The following MACROD2 variants were observed in gnomAD, a reference collection of about 807,000 sequenced individuals.
The protein encoded by MACROD2 is ADP-ribose glycohydrolase MACROD2.
A neutral mutation model predicts 70.4 loss-of-function variants in MACROD2; 36 were observed. The observed-to-expected ratio is 0.51, with a 90% CI of 0.39 to 0.68. The LOEUF (loss-of-function observed/expected upper bound fraction) is 0.68. MACROD2 is among the 30% of genes least tolerant of loss of function. MACROD2 has a pLI of 0.00. For synonymous variants in MACROD2, 172 were observed against 178.8 expected (o/e 0.96, Z 0.30); for missense variants, 496 against 538.4 (o/e 0.92, Z 0.78).
chr20:15,111,737 T>A (rs2075957049), intron 5 of MACROD2, among the ~76,000 whole-genome samples: 1 of 152,182 alleles, frequency 6.6e-6, no homozygotes, highest in Admixed American at 6.5e-5. Flanking sequence ...TAGCTTTTGT[T>A]TTAGAGAGGA....
At chr20:14,848,347 G>A (rs1486541088) in intron 5 of MACROD2, among the ~76,000 whole-genome samples, 1 of 152,160 alleles carries the variant, frequency 6.6e-6, no homozygotes, top group African/African-American at 2.4e-5. Flanking sequence ...TAGTTATCCT[G>A]TAGGAATAGC....
chr20:15,394,354 A>G (rs905332031), intron 6 of MACROD2, among the ~76,000 whole-genome samples: 17 of 152,232 alleles, frequency 1.1e-4, no homozygotes, highest in African/African-American at 3.9e-4. Flanking sequence ...CTTGTAAGAT[A>G]GCATCTTTCT....
intron 2 of MACROD2, among the ~76,000 whole-genome samples, chr20:14,027,603 G>A (rs1029976100): frequency 1.3e-5 from 2 of 151,776 alleles, no homozygotes; most frequent in Non-Finnish European, 2.9e-5. Flanking sequence ...TGATGTGGAC[G>A]TCCTTTTTGT....
At chr20:15,179,162 G>C (rs1783155935) in intron 5 of MACROD2, among the ~76,000 whole-genome samples, 1 of 152,136 alleles carries the variant, frequency 6.6e-6, no homozygotes, top group Non-Finnish European at 1.5e-5. Flanking sequence ...GCATGAAGGG[G>C]CTCTCTGGAA....
At chr20:14,527,020 A>G (rs1194713698) in intron 4 of MACROD2, among the ~76,000 whole-genome samples, 1 of 152,180 alleles carries the variant, frequency 6.6e-6, no homozygotes, top group African/African-American at 2.4e-5. Context: ...TATTGAGTGG[A>G]AGTAGCTTTC....
chr20:15,876,979 T>A (rs1281003964), intron 9 of MACROD2, among the ~76,000 whole-genome samples: 1 of 152,150 alleles, frequency 6.6e-6, no homozygotes, highest in Non-Finnish European at 1.5e-5. Context: ...TGACTGTCTC[T>A]GCCTTCCTAC....
intron 3 of MACROD2, among the ~76,000 whole-genome samples, chr20:14,117,639 T>C (rs1047411922): frequency 5.9e-5 from 9 of 152,336 alleles, no homozygotes; most frequent in African/African-American, 1.7e-4. Flanking sequence ...GAATGGTATG[T>C]GTAGGCTAAG....
intron 8 of MACROD2, among the ~76,000 whole-genome samples, chr20:15,720,069 CT>C (rs2050766353): frequency 6.6e-6 from 1 of 152,126 alleles, no homozygotes; most frequent in Non-Finnish European, 1.5e-5. Context: ...TCTGTGTCTG[CT>C]TATTTCACTT....
At chr20:15,773,785 G>A (rs1264752999) in intron 8 of MACROD2, among the ~76,000 whole-genome samples, 2 of 152,152 alleles carry the variant, frequency 1.3e-5, no homozygotes, top group African/African-American at 2.4e-5. Flanking sequence ...AAAGTGGTGA[G>A]TAGATGTTAT....
intron 5 of MACROD2, among the ~76,000 whole-genome samples, chr20:14,989,091 G>GT (rs1341978946): frequency 3.3e-5 from 5 of 151,794 alleles, no homozygotes; most frequent in African/African-American, 7.3e-5. Context: ...GAATTATATG[G>GT]TTTTTTTTAA....
chr20:14,440,997 C>T (rs2084115749), intron 3 of MACROD2, among the ~76,000 whole-genome samples: 3 of 152,156 alleles, frequency 2.0e-5, no homozygotes, highest in African/African-American at 7.2e-5. Flanking sequence ...AGGACACAAC[C>T]TGAGCAACAC....
chr20:14,260,758 T>C (rs1271630278), intron 3 of MACROD2, among the ~76,000 whole-genome samples: 1 of 152,262 alleles, frequency 6.6e-6, no homozygotes, highest in African/African-American at 2.4e-5. Context: ...AACATTTTAA[T>C]AATCCCTATC....
chr20:16,010,108 A>G (rs1422008443), intron 15 of MACROD2, among the ~76,000 whole-genome samples: 1 of 152,232 alleles, frequency 6.6e-6, no homozygotes, highest in Non-Finnish European at 1.5e-5. Context: ...AAGCTTCATT[A>G]TAATTAAAGT....
intron 5 of MACROD2, among the ~76,000 whole-genome samples, chr20:14,881,406 T>G (rs531618294): frequency 6.6e-6 from 1 of 152,010 alleles, no homozygotes; most frequent in African/African-American, 2.4e-5. Flanking sequence ...ACCTTCTTAC[T>G]GACAAGGCAC....
intron 3 of MACROD2, among the ~76,000 whole-genome samples, chr20:14,142,826 A>G (rs1053523745): frequency 1.3e-5 from 2 of 152,170 alleles, no homozygotes; most frequent in African/African-American, 4.8e-5. Context: ...TTATGAATAA[A>G]TGTTATCTGA....
chr20:15,386,196 A>G (rs933742442), intron 6 of MACROD2, among the ~76,000 whole-genome samples: 55 of 152,288 alleles, frequency 3.6e-4, no homozygotes, highest in African/African-American at 1.2e-3. Context: ...ATTACATGTC[A>G]TGGCTATTAG....
intron 5 of MACROD2, among the ~76,000 whole-genome samples, chr20:14,789,872 A>G (rs554656171): frequency 2.0e-5 from 3 of 152,206 alleles, no homozygotes; most frequent in South Asian, 4.1e-4. Context: ...CATAAATACT[A>G]TGATGAGAAA....
At chr20:15,597,807 G>A (rs758996454) in intron 8 of MACROD2, among the ~76,000 whole-genome samples, 9 of 152,198 alleles carry the variant, frequency 5.9e-5, no homozygotes, top group Non-Finnish European at 1.3e-4. Context: ...AGCCGGGCAC[G>A]GTGGCTCACG....
chr20:14,597,777 T>C (rs909861864), intron 4 of MACROD2, among the ~76,000 whole-genome samples: 3 of 152,148 alleles, frequency 2.0e-5, no homozygotes, highest in African/African-American at 4.8e-5. Flanking sequence ...TCTCAACTTA[T>C]AAATTTCAGA....
Sources: gnomAD v4.1 joint callset for allele counts (sites outside exome capture counted in the v4.1 genomes callset) on GRCh38, gnomAD v4.1.1 for gene constraint, MANE v1.5 for transcripts, NCBI Gene and HGNC (gene_info 2026-07-23, HGNC 2026-07-21) for gene names.